Variants in MEI4 observed in about 807,000 individuals in gnomAD.
MEI4 encodes meiotic double-stranded break formation protein 4.
MEI4 carries 27 observed loss-of-function variants against 31.4 expected under a neutral mutation model. The ratio of observed to expected loss-of-function variants is 0.86; its 90% confidence interval spans 0.63 to 1.19. MEI4 has a LOEUF of 1.19. Ranked by LOEUF, MEI4 falls within the 50% of genes most tolerant of loss-of-function variation. The probability of loss-of-function intolerance (pLI) is 0.00; values close to 1 mark genes in which losing one functional copy is unlikely to be tolerated. For missense variants in MEI4, 329 were observed against 398.9 expected, an observed-to-expected ratio of 0.82 and a Z score of 1.49; for synonymous variants, 122 against 145.4, an observed-to-expected ratio of 0.84 and a Z score of 1.16.
In MEI4 at chr6:77,761,380, G is replaced by T. The variant is rs756062135; in HGVS notation, c.483G>T (p.Lys161Asn). 75 of 1,232,088 alleles carry T rather than the reference G, an allele frequency of 6.1e-5. No individual in the cohort carries two copies. The highest frequency in any genetic ancestry group is 7.5e-5 in the Non-Finnish European group (74 of 987,976). The allele number at this position is 1,232,088 out of a possible 1,614,324, so 76.3% of individuals were successfully genotyped here. Reference sequence around the variant, plus strand: ...TCTTGCAATATCTACTTGAATTAAAGAACTTGACAGAATCAGGTAATCTTA... The same window carrying T: ...TCTTGCAATATCTACTTGAATTAAATAACTTGACAGAATCAGGTAATCTTA... Reference protein sequence around the residue: ...MQFLQYLLELKNLTESGNLKR... With the variant: ...MQFLQYLLELNNLTESGNLKR... Residue 161 changes from lysine (K) to asparagine (N), a missense_variant, in exon 3 of 5, where the codon AAG becomes AAT. Physicochemically the swap from Lys to Asn is moderately conservative, Grantham distance 94 (BLOSUM62 0). Coordinates refer to ENST00000684080, the MANE Select transcript of MEI4 (RefSeq NM_001322247.2).
At chr6:77,828,744 G>A (rs1176181831) in intron 3 of MEI4, among the ~76,000 whole-genome samples, 187 bp from the exon 4 acceptor site, 1 of 152,036 alleles carries the variant, frequency 6.6e-6, no homozygotes, top group Non-Finnish European at 1.5e-5. Context: ...AATATTAACT[G>A]CTATAGAAAA....
rs71546075 is a variant in MEI4, at chr6:77,858,907, T to TA, written c.900+29855dup. Among the ~76,000 whole-genome samples, 511 of 82,918 alleles carry TA rather than the reference T, an allele frequency of 6.2e-3. 4 individuals carry two copies. Among genetic ancestry groups the TA allele is most frequent in the East Asian group, 0.036 (126 of 3,480 alleles). 54.4% of individuals were successfully genotyped at this position (82,918 alleles called of 152,430 possible). A position where few individuals can be genotyped will look rare whatever the true frequency, so the allele number is the denominator to read the frequency against. ...AAGGAAAGGATTCTTTAGTTTCTTCTAAAAAAAAAAGAAAACAGGACACAT... is the reference window on the plus strand; with the variant it reads ...AAGGAAAGGATTCTTTAGTTTCTTCTAAAAAAAAAAAGAAAACAGGACACAT... On this transcript the variant is annotated intron_variant, in intron 4 of 4. Transcript: ENST00000684080.
chr6:77,758,017 G>T (rs910234312), intron 2 of MEI4, among the ~76,000 whole-genome samples: 1 of 151,996 alleles, frequency 6.6e-6, no homozygotes, highest in African/African-American at 2.4e-5. Flanking sequence ...TTAGCTGGGT[G>T]TGGTGGCATG....
At chr6:77,733,361 T>C (rs1178662675) in intron 2 of MEI4, among the ~76,000 whole-genome samples, 1 of 151,938 alleles carries the variant, frequency 6.6e-6, no homozygotes, top group East Asian at 1.9e-4. Context: ...CTTGGGAGAG[T>C]GTATGTGTCT....
At chr6:77,805,121 T>C (rs1300856992) in intron 3 of MEI4, among the ~76,000 whole-genome samples, 1 of 152,164 alleles carries the variant, frequency 6.6e-6, no homozygotes, top group Non-Finnish European at 1.5e-5. Flanking sequence ...ATTATTTTAT[T>C]GTAGAGAAAA....
intron 4 of MEI4, among the ~76,000 whole-genome samples, chr6:77,865,006 A>G (rs1770979878): frequency 6.6e-6 from 1 of 152,254 alleles, no homozygotes; most frequent in South Asian, 2.1e-4. Context: ...AAATGAAGGC[A>G]GAAGTAAATA....
At chr6:77,687,129 C>T (rs577946550) in intron 1 of MEI4, among the ~76,000 whole-genome samples, 1 of 151,936 alleles carries the variant, frequency 6.6e-6, no homozygotes, top group Admixed American at 6.6e-5. Context: ...TACATTTTTT[C>T]ACAGCCCCAT....
At chr6:77,744,973 T>A (rs867145461) in intron 2 of MEI4, among the ~76,000 whole-genome samples, 5 of 152,192 alleles carry the variant, frequency 3.3e-5, no homozygotes, top group Middle Eastern at 3.4e-3. Context: ...AAGGAAGCAC[T>A]AAACATGGAA....
chr6:77,859,641 GTTTT>G (rs1167591676), intron 4 of MEI4, among the ~76,000 whole-genome samples: 2 of 151,984 alleles, frequency 1.3e-5, no homozygotes, highest in African/African-American at 4.8e-5. Context: ...TTTTTCATAT[GTTTT>G]TTGGCCGCAT....
intron 2 of MEI4, among the ~76,000 whole-genome samples, chr6:77,731,041 G>A (rs866225921): frequency 6.6e-6 from 1 of 151,848 alleles, no homozygotes; most frequent in South Asian, 2.1e-4. Context: ...TGGACATTTG[G>A]GTTGGTTCCA....
intron 1 of MEI4, among the ~76,000 whole-genome samples, chr6:77,660,984 C>T (rs1768495229): frequency 1.3e-5 from 2 of 152,104 alleles, no homozygotes; most frequent in Admixed American, 6.6e-5. Flanking sequence ...TGGCGAATTT[C>T]CTGTCTAGCC....
At chr6:77,692,429 A>T (rs911130282) in intron 2 of MEI4, among the ~76,000 whole-genome samples, 1 of 152,050 alleles carries the variant, frequency 6.6e-6, no homozygotes, top group African/African-American at 2.4e-5. Context: ...GACACACAGA[A>T]GGTGATCAGC....
At chr6:77,840,095 G>A (rs2127714359) in intron 4 of MEI4, among the ~76,000 whole-genome samples, 1 of 152,190 alleles carries the variant, frequency 6.6e-6, no homozygotes, top group Middle Eastern at 3.4e-3. Flanking sequence ...TATATGTGTT[G>A]TGTGTGTTTT....
Position 77,746,546 on chromosome 6 carries a change from G to C in MEI4, c.233-14584G>C, listed in dbSNP as rs543463262. Among the ~76,000 whole-genome samples, 146 of 151,916 alleles carry C rather than the reference G, an allele frequency of 9.6e-4. 2 individuals carry two copies. Among genetic ancestry groups the C allele is most frequent in the Middle Eastern group, 3.4e-3 (1 of 294 alleles). On this transcript the variant is annotated intron_variant, in intron 2 of 4. Coordinates refer to ENST00000684080, the MANE Select transcript of MEI4 (RefSeq NM_001322247.2). The stretch of plus-strand genomic sequence containing the variant: ...TTGGACTACAACTTACAGTATCCTG[G>C]GTCTCCAGCTTGCTGACTGCAGATC...
Position 77,790,400 on chromosome 6 carries a change from A to T in MEI4, c.768+28735A>T, listed in dbSNP as rs186209887. On this transcript the variant is annotated intron_variant, in intron 3 of 4. Coordinates refer to ENST00000684080, the MANE Select transcript of MEI4 (RefSeq NM_001322247.2). Reference sequence around the variant, plus strand: ...GTACCCTAAAACTTAAAGTTTAATTAAAAGAAAATAACATTGAATGATAAA... The same window carrying T: ...GTACCCTAAAACTTAAAGTTTAATTTAAAGAAAATAACATTGAATGATAAA... Among the ~76,000 whole-genome samples, 321 of 152,210 alleles carry T rather than the reference A, an allele frequency of 2.1e-3. 1 individual carries two copies. Among genetic ancestry groups the T allele is most frequent in the African/African-American group, 7.2e-3 (299 of 41,536 alleles).
At chr6:77,770,477 A>G (rs1011678578) in intron 3 of MEI4, among the ~76,000 whole-genome samples, 2 of 152,050 alleles carry the variant, frequency 1.3e-5, no homozygotes, top group Non-Finnish European at 1.5e-5. Context: ...CTGTCAAAAT[A>G]CCAATCTTAT....
chr6:77,880,269 C>T (rs1227069744), intron 4 of MEI4, among the ~76,000 whole-genome samples: 11 of 146,994 alleles, frequency 7.5e-5, no homozygotes, highest in African/African-American at 2.3e-4. Flanking sequence ...CTCACTGTGT[C>T]GCCCAGGCTG....
chr6:77,698,250 G>A (rs775860635), intron 2 of MEI4, among the ~76,000 whole-genome samples: 12 of 152,132 alleles, frequency 7.9e-5, no homozygotes, highest in South Asian at 2.1e-4. Context: ...TTTAATTGGA[G>A]CAGTTAGCCC....
rs1013479334 is a variant in MEI4, at chr6:77,798,941, C to T, written c.769-29990C>T. Among the ~76,000 whole-genome samples the T allele has an allele frequency of 1.2e-3, 182 of 151,808 alleles. 2 individuals are homozygous for T. Among genetic ancestry groups the T allele is most frequent in the African/African-American group, 1.1e-3 (47 of 41,434 alleles). The stretch of plus-strand genomic sequence containing the variant: ...AAGTCTTTGCTATTGTGAATAATGC[C>T]GCAATAAACATACGTGTGCATGTGT... On this transcript the variant is annotated intron_variant, in intron 3 of 4. Transcript: ENST00000684080.
Sources: gnomAD v4.1 joint callset for allele counts (sites outside exome capture counted in the v4.1 genomes callset) on GRCh38, gnomAD v4.1.1 for gene constraint, MANE v1.5 for transcripts, NCBI Gene and HGNC (gene_info 2026-07-23, HGNC 2026-07-21) for gene names.